The following MYBBP1A variants were observed in gnomAD, a reference collection of about 807,000 sequenced individuals.
MYBBP1A encodes myb-binding protein 1A.
In MYBBP1A, 147 loss-of-function variants were observed where a neutral mutation model predicts 136.3. The ratio of observed to expected loss-of-function variants is 1.08; its 90% CI spans 0.94 to 1.24. MYBBP1A has a LOEUF of 1.24. Among genes scored for constraint, MYBBP1A ranks in the 50% most tolerant of loss-of-function variants. The pLI, the probability that MYBBP1A is intolerant of heterozygous loss-of-function variation, is 0.00. For missense variants in MYBBP1A, 2,060 were observed against 1,727.4 expected (o/e 1.19, Z -3.41); for synonymous variants, 947 against 735.8 (o/e 1.29, Z -4.65).
intron 20 of MYBBP1A, 40 bp from the exon 21 acceptor site, chr17:4,542,781 G>C (rs371500518): frequency 1.2e-6 from 2 of 1,607,446 alleles, no homozygotes; most frequent in South Asian, 2.2e-5. Context: ...GCCAGGAGAG[G>C]GGTCCCTGGG....
chr17:4,550,939 TAACTTCTCAGGGTC>T (rs1907457570), intron 8 of MYBBP1A, among the ~76,000 whole-genome samples: 1 of 152,216 alleles, frequency 6.6e-6, no homozygotes, highest in Non-Finnish European at 1.5e-5. Context: ...CACCTAGAGG[TAACTTCTCAGGGTC>T]AGAGGCTCCC....
chr17:4,550,708 GC>G (rs1390902773), intron 8 of MYBBP1A, among the ~76,000 whole-genome samples: 1 of 152,260 alleles, frequency 6.6e-6, no homozygotes, highest in Non-Finnish European at 1.5e-5. Flanking sequence ...TCAACGCAGG[GC>G]AGAGTGGTAG....
chr17:4,553,831 G>A lies in MYBBP1A; in HGVS notation c.540C>T (p.Ala180=), dbSNP rs1029873344. Reference sequence around the variant, plus strand: ...ATACCTCGGAGAGGATGTCCACCAGGGCCTTCCGGGGCTGCTCCTGCAAGT... The same window carrying A: ...ATACCTCGGAGAGGATGTCCACCAGAGCCTTCCGGGGCTGCTCCTGCAAGT... ...QNHLQEQPRK[A]LVDILSEVSK... Residue 180 remains alanine (A), a synonymous_variant, in exon 5 of 26, where the codon GCC becomes GCT. Transcript: ENST00000254718. The A allele has an allele frequency of 5.0e-6, 8 of 1,614,050 alleles. No individual in the cohort carries two copies. Among genetic ancestry groups the A allele is most frequent in the Non-Finnish European group, 6.8e-6 (8 of 1,180,024 alleles).
rs765700552 is a variant in MYBBP1A at position 4,539,464 on chromosome 17, T to A, written c.3938A>T (p.Gln1313Leu). 6.2e-7 allele frequency: 1 copy of A among 1,614,138 alleles called. No individual in the cohort carries two copies. The highest frequency in any genetic ancestry group is 1.1e-5 in the South Asian group (1 of 91,078). Residue 1313 changes from glutamine to leucine, a missense_variant, in exon 26 of 26, where the codon CAG becomes CTG. Physicochemically the swap from Gln to Leu is moderately radical, Grantham distance 113. Transcript: ENST00000254718. ...SLVIRSPSLL[Q>L]SGAKKKAQVR... The stretch of plus-strand genomic sequence containing the variant: ...CTGTGCTTTCTTCTTGGCCCCACTC[T>A]GAAGCAGGCTGGGACTCCTGATGAC...
chr17:4,544,999 G>GCCCCCCCCCCCCCCCCCCCCCCCCCCCCC, intron 17 of MYBBP1A, 27 bp downstream of exon 17: 1 of 498,358 alleles, frequency 2.0e-6, no homozygotes, highest in Non-Finnish European at 2.6e-6. Flanking sequence ...CTCCCCGGCC[G>GCCCCCCCCCCCCCCCCCCCCCCCCCCCCC]CCCCCCCCTC....
rs770501778 is a variant in MYBBP1A at position 4,552,167 on chromosome 17, ACCT to A, written c.860_862del (p.Glu287del). ...CATCTTCAGCAGCCCTTGTTCCACC[ACCT>A]CCTTCCAGAACCGTGGGAACTTGTC... On this transcript the variant is annotated inframe_deletion, in exon 7 of 26. Transcript: ENST00000254718. This position sits in a 1 kb window ranked among gnomAD's most constrained non-coding sequence, Gnocchi z 4.7. 6.2e-7 allele frequency: 1 copy of A among 1,614,030 alleles called. No homozygotes were observed.
chr17:4,548,705 T>C lies in MYBBP1A; in HGVS notation c.1431-56A>G. The C allele has an allele frequency of 6.2e-7, 1 of 1,608,416 alleles. No individual in the cohort carries two copies. ...TTCACTGCCATTGGTTTTTACAGGC[T>C]CCCCTCCTTGGATGGTACCACCGAG... is the stretch of plus-strand genomic sequence containing the variant. On this transcript the variant is annotated intron_variant, in intron 10 of 25. Coordinates refer to ENST00000254718, the MANE Select transcript of MYBBP1A (RefSeq NM_014520.4). The surrounding 1 kb of genome is among the most constrained non-coding windows in gnomAD (Gnocchi z 4.2).
intron 25 of MYBBP1A, 99 bp downstream of exon 25, chr17:4,540,249 G>C: frequency 2.8e-6 from 4 of 1,431,306 alleles, no homozygotes; most frequent in Non-Finnish European, 3.7e-6. Flanking sequence ...TGTGCAGTGT[G>C]CGTGTGCAGC....
intron 19 of MYBBP1A, among the ~76,000 whole-genome samples, chr17:4,543,893 A>T (rs1108719): frequency 1.3e-5 from 2 of 151,616 alleles, no homozygotes; most frequent in African/African-American, 2.4e-5. Context: ...ACCCTTCCCC[A>T]CGCCACTGCT....
intron 8 of MYBBP1A, among the ~76,000 whole-genome samples, chr17:4,551,228 T>C (rs886991098): frequency 5.9e-5 from 9 of 152,214 alleles, no homozygotes; most frequent in African/African-American, 2.2e-4. Flanking sequence ...AAAGATAAAA[T>C]GAGCTGGTGA....
Position 4,545,315 on chromosome 17 carries a change from T to A in MYBBP1A, c.2104A>T (p.Asn702Tyr). 6.2e-7 allele frequency: 1 copy of A among 1,613,038 alleles called. No individual in the cohort carries two copies. Among genetic ancestry groups the A allele is most frequent in the African/African-American group, 1.3e-5 (1 of 74,792 alleles). The change falls in exon 16 of 26, where the codon AAT becomes TAT. Residue 702 changes from asparagine to tyrosine, a missense_variant. Physicochemically the swap from Asn to Tyr is moderately radical, Grantham distance 143. Coordinates refer to ENST00000254718, the MANE Select transcript of MYBBP1A (RefSeq NM_014520.4). ...TCGTCCGTCACCACCACACGGTCAT[T>A]CTCATCCTCACTGGTCTCGGGGTTC... ...VLNPETSEDE[N>Y]DRVVVTDDSD...
chr17:4,539,876 G>T lies in MYBBP1A; in HGVS notation c.3526C>A (p.Pro1176Thr), dbSNP rs1352149207. ...SKKRKKKGFL[P>T]ETKKRKKRKS... The stretch of plus-strand genomic sequence containing the variant: ...CGTTTCTTGCGCTTCTTCGTCTCTG[G>T]CAAGAATCCCTTTTTCTTCCGCTTC... The change falls in exon 26 of 26, where the codon CCA (proline) becomes ACA (threonine). Residue 1176 changes from proline (P) to threonine (T), a missense_variant. Transcript: ENST00000254718. 3 of 1,604,326 alleles carry T rather than the reference G, an allele frequency of 1.9e-6. No individual in the cohort carries two copies. The highest frequency in any genetic ancestry group is 1.3e-5 in the African/African-American group (1 of 75,018).
In MYBBP1A at chr17:4,545,835, C is replaced by G. The variant is rs1369954594; in HGVS notation, c.1921+11G>C. On this transcript the variant is annotated intron_variant, in intron 14 of 25. Transcript: ENST00000254718. ...CCACCACTCTAGTCCCTCTCGTGACCAAGGACCCACCGATGGTCTTGGTGC... is the reference window on the plus strand; with the variant it reads ...CCACCACTCTAGTCCCTCTCGTGACGAAGGACCCACCGATGGTCTTGGTGC... 6.2e-7 allele frequency: 1 copy of G among 1,612,662 alleles called. No homozygotes were observed. Among genetic ancestry groups the G allele is most frequent in the African/African-American group, 1.3e-5 (1 of 75,042 alleles).
rs772320036 is a variant in MYBBP1A, at chr17:4,553,896, A to C, written c.475T>G (p.Ser159Ala). The C allele has an allele frequency of 6.2e-7, 1 of 1,614,020 alleles. No homozygotes were observed. The highest frequency in any genetic ancestry group is 1.1e-5 in the South Asian group (1 of 91,082). The change falls in exon 5 of 26, where the codon TCG becomes GCG. Residue 159 changes from serine (S) to alanine (A), a missense_variant. Ser to Ala is a moderately conservative substitution (Grantham distance 99, BLOSUM62 1). Coordinates refer to ENST00000254718, the MANE Select transcript of MYBBP1A (RefSeq NM_014520.4). ...GCCAGGGCCTGCAGCAGCTTCACCG[A>C]CTTCATCAGTGCCTCCTGGTCCTGG... ...LVKDQEALMK[S>A]VKLLQALAQY...
At chr17:4,549,204 GCCTGCC>G in intron 10 of MYBBP1A, 122 bp downstream of exon 10, 1 of 735,288 alleles carries the variant, frequency 1.4e-6, no homozygotes. Flanking sequence ...GTCCCCTTGT[GCCTGCC>G]CCCCACTGAT....
chr17:4,553,023 T>C (rs1907673514), intron 5 of MYBBP1A, among the ~76,000 whole-genome samples: 1 of 152,206 alleles, frequency 6.6e-6, no homozygotes, highest in African/African-American at 2.4e-5. Context: ...GGTTTCACCA[T>C]GTTGGCCAGG....
At chr17:4,541,107 T>TA (rs1257707013) in intron 24 of MYBBP1A, among the ~76,000 whole-genome samples, 1 of 152,176 alleles carries the variant, frequency 6.6e-6, no homozygotes, top group Non-Finnish European at 1.5e-5. Context: ...CACACTCCTG[T>TA]ACCAGGCCTG....
chr17:4,554,254 G>A lies in MYBBP1A; in HGVS notation c.319C>T (p.Pro107Ser). Reference protein sequence around the residue: ...AQLLQSFEDLPLCSILQQIQE... With the variant: ...AQLLQSFEDLSLCSILQQIQE... ...ATCTGCTGCAGGATGCTGCACAAGG[G>A]GAGGTCTTCAAAAGACTGTAACAGC... Residue 107 changes from proline to serine, a missense_variant, in exon 3 of 26, where the codon CCC becomes TCC. By Grantham distance (74) the Pro-to-Ser change is moderately conservative (BLOSUM62 -1). Coordinates refer to ENST00000254718, the MANE Select transcript of MYBBP1A (RefSeq NM_014520.4). 2 of 1,614,054 alleles carry A rather than the reference G, an allele frequency of 1.2e-6. No homozygotes were observed. The highest frequency in any genetic ancestry group is 8.5e-7 in the Non-Finnish European group (1 of 1,180,002).
chr17:4,554,443 A>G (rs1363869085), intron 2 of MYBBP1A, among the ~76,000 whole-genome samples, 165 bp from the exon 3 acceptor site: 5 of 152,042 alleles, frequency 3.3e-5, no homozygotes, highest in Non-Finnish European at 7.4e-5. Flanking sequence ...CTAGTCTGAA[A>G]TGCTCAGCCA....
Sources: allele counts gnomAD v4.1 joint callset (sites outside exome capture counted in the v4.1 genomes callset), GRCh38; gene constraint gnomAD v4.1.1; non-coding constraint Gnocchi (gnomAD v3.1); transcripts MANE v1.5; gene names NCBI Gene and HGNC (gene_info 2026-07-23, HGNC 2026-07-21).